Variants in BTN3A1 observed in about 807,000 individuals in gnomAD.
BTN3A1 encodes dJ45P21.3 (butyrophilin, subfamily 3, member A1).
BTN3A1 carries 24 observed loss-of-function variants against 43.0 expected under a neutral mutation model. The ratio of observed to expected loss-of-function variants is 0.56; its 90% confidence interval spans 0.40 to 0.78. The LOEUF (loss-of-function observed/expected upper bound fraction) is 0.78. Ranked by LOEUF, BTN3A1 falls within the 30% of genes least tolerant of loss-of-function variation. The pLI is 0.00. For missense variants in BTN3A1, 533 were observed against 626.2 expected (o/e 0.85, Z 1.59); for synonymous variants, 181 against 234.7 (o/e 0.77, Z 2.09).
chr6:26,405,685 A>C (rs764935664), intron 2 of BTN3A1, 37 bp downstream of exon 2: 1 of 1,609,634 alleles, frequency 6.2e-7, no homozygotes, highest in South Asian at 1.1e-5. Flanking sequence ...TGAAGCAGAC[A>C]ATTACCTAAT....
chr6:26,405,761 C>A lies in BTN3A1; in HGVS notation c.85+113C>A. ...GTCCATCCCGATCTGAAGGTTCACC[C>A]GTCACTAAGAGACAAATGGTGCTTC... On this transcript the variant is annotated intron_variant, in intron 2 of 9. Transcript: ENST00000289361. The A allele has an allele frequency of 1.9e-6, 3 of 1,577,044 alleles. No individual in the cohort carries two copies. In the East Asian group the frequency reaches 6.8e-5, roughly 35 times the overall value.
Position 26,413,478 on chromosome 6 carries a change from C to A in BTN3A1, c.1328C>A (p.Thr443Asn). The stretch of plus-strand genomic sequence containing the variant: ...CTGACTGATGGGAATAAGTATCGGA[C>A]TCTAACTGAGCCCAGAACCAACCTG... ...MGLTDGNKYR[T>N]LTEPRTNLKL... The change falls in exon 10 of 10, where the codon ACT (threonine) becomes AAT (asparagine). Residue 443 changes from threonine (T) to asparagine (N), a missense_variant. By Grantham distance (65) the Thr-to-Asn change is moderately conservative. Coordinates refer to ENST00000289361, the MANE Select transcript of BTN3A1 (RefSeq NM_007048.6). 6.2e-7 allele frequency: 1 copy of A among 1,614,098 alleles called. No homozygotes were observed. Among genetic ancestry groups the A allele is most frequent in the African/African-American group, 1.3e-5 (1 of 74,996 alleles).
intron 4 of BTN3A1, 50 bp from the exon 5 acceptor site, chr6:26,409,483 G>C: frequency 1.3e-6 from 2 of 1,572,296 alleles, no homozygotes; most frequent in Non-Finnish European, 1.7e-6. Context: ...CTGCAGTCTG[G>C]GGAGGCTGAG....
chr6:26,410,351 T>C (rs1049567309), intron 7 of BTN3A1, among the ~76,000 whole-genome samples: 2 of 152,114 alleles, frequency 1.3e-5, no homozygotes, highest in African/African-American at 4.8e-5. Context: ...CCACAGACTC[T>C]ATAGCCCTGC....
intron 8 of BTN3A1, 107 bp from the exon 9 acceptor site, chr6:26,411,448 A>G: frequency 7.2e-7 from 1 of 1,392,318 alleles, no homozygotes. Context: ...TGGACCCTGG[A>G]AGAGACTCTG....
At position 26,413,797 on chromosome 6, in the gene BTN3A1, G is replaced by T; in HGVS notation, c.*105G>T. ...CGAAAGTGGGGAGCCTCAGGCTGAA[G>T]TAACTTTTCTCTGCTTCTCCCTGCC... On this transcript the variant is annotated 3_prime_UTR_variant, in exon 10 of 10. Coordinates refer to ENST00000289361, the MANE Select transcript of BTN3A1 (RefSeq NM_007048.6). 6.3e-7 allele frequency: 1 copy of T among 1,598,482 alleles called. No individual in the cohort carries two copies. Among genetic ancestry groups the T allele is most frequent in the Non-Finnish European group, 8.5e-7 (1 of 1,178,272 alleles).
chr6:26,412,971 C>G, intron 9 of BTN3A1, 198 bp from the exon 10 acceptor site: 2 of 1,458,558 alleles, frequency 1.4e-6, no homozygotes. Context: ...TCACCCTCCT[C>G]TTCCCCTCTG....
Position 26,405,952 on chromosome 6 carries a change from G to T in BTN3A1, c.129G>T (p.Met43Ile). The change falls in exon 3 of 10, where the codon ATG becomes ATT. Residue 43 changes from methionine to isoleucine, a missense_variant. Met to Ile is a conservative substitution (Grantham distance 10). Transcript: ENST00000289361. ...VLGPSGPILAMVGEDADLPCH... is the reference protein window; with the variant it reads ...VLGPSGPILAIVGEDADLPCH... ...GACCCTCTGGGCCCATCCTGGCCATGGTGGGTGAAGACGCTGATCTGCCCT... is the reference window on the plus strand; with the variant it reads ...GACCCTCTGGGCCCATCCTGGCCATTGTGGGTGAAGACGCTGATCTGCCCT... The T allele has an allele frequency of 6.2e-7, 1 of 1,612,148 alleles. No individual in the cohort carries two copies.
chr6:26,405,004 G>T (rs896079380), intron 1 of BTN3A1, among the ~76,000 whole-genome samples: 17 of 152,216 alleles, frequency 1.1e-4, no homozygotes, highest in African/African-American at 4.1e-4. Flanking sequence ...GGTCTTATTT[G>T]CAGCTCTGTG....
intron 4 of BTN3A1, 138 bp downstream of exon 4, chr6:26,408,090 T>G: frequency 7.4e-7 from 1 of 1,353,360 alleles, no homozygotes. Context: ...GGCTCCTCCT[T>G]GCACCGGGGG....
chr6:26,407,316 A>C (rs1415401278), intron 3 of BTN3A1, among the ~76,000 whole-genome samples: 1 of 152,186 alleles, frequency 6.6e-6, no homozygotes, highest in Non-Finnish European at 1.5e-5. Flanking sequence ...CTGGGTGCTT[A>C]GTCCCTGGCT....
rs1421504006 is a variant in BTN3A1, at chr6:26,414,619, C to A, written c.*927C>A. ...CCTTCCTTCAATCAAGGTTTCCAGG[C>A]AGAGCAAATACCCTAGAGATTCTCT... On this transcript the variant is annotated 3_prime_UTR_variant, in exon 10 of 10. Transcript: ENST00000289361. The A allele has an allele frequency of 6.6e-6, 1 of 151,910 alleles. No individual in the cohort carries two copies. The highest frequency in any genetic ancestry group is 2.4e-5 in the African/African-American group (1 of 41,326). 9.4% of individuals were successfully genotyped at this position (151,910 alleles called of 1,614,324 possible).
At chr6:26,407,551 G>C in intron 3 of BTN3A1, 120 bp from the exon 4 acceptor site, 1 of 1,283,238 alleles carries the variant, frequency 7.8e-7, no homozygotes, top group Non-Finnish European at 1.1e-6. Context: ...CCACACTTTT[G>C]TAAGCAGCTC....
rs531878108 is a variant in BTN3A1, at chr6:26,409,808, C to T, written c.916+75C>T. 6.8e-6 allele frequency: 11 copies of T among 1,609,834 alleles called. No individual in the cohort carries two copies. In the South Asian group the frequency reaches 7.7e-5, roughly 11 times the overall value. On this transcript the variant is annotated intron_variant, in intron 5 of 9. Coordinates refer to ENST00000289361, the MANE Select transcript of BTN3A1 (RefSeq NM_007048.6). ...CCAAAGACCTCACGCCCATCCCCAC[C>T]GCAGAGCTCAGTTGCTTTTAAGGTT...
intron 7 of BTN3A1, among the ~76,000 whole-genome samples, chr6:26,410,727 A>T (rs192892037): frequency 1.3e-3 from 202 of 150,906 alleles, no homozygotes; most frequent in African/African-American, 4.1e-3. Context: ...ACATTTAAAT[A>T]TATATATACA....
chr6:26,405,674 C>T, intron 2 of BTN3A1, 26 bp downstream of exon 2: 1 of 1,612,450 alleles, frequency 6.2e-7, no homozygotes, highest in Non-Finnish European at 8.5e-7. Flanking sequence ...ACGCTTGTTT[C>T]TGAAGCAGAC....
intron 5 of BTN3A1, 78 bp downstream of exon 5, chr6:26,409,811 A>T (rs867963190): frequency 6.2e-7 from 1 of 1,611,004 alleles, no homozygotes; most frequent in Middle Eastern, 1.7e-4. Flanking sequence ...TCCCCACCGC[A>T]GAGCTCAGTT....
rs773981663 is a variant in BTN3A1 at position 26,411,150 on chromosome 6, T to G, written c.991+15T>G. On this transcript the variant is annotated intron_variant, in intron 8 of 9. Coordinates refer to ENST00000289361, the MANE Select transcript of BTN3A1 (RefSeq NM_007048.6). ...AGCCTATAATGGTGAGTGAACCTGA[T>G]GCTCTCTGAGTTTGCTGGGACACGT... The G allele has an allele frequency of 7.5e-6, 12 of 1,608,608 alleles. No individual in the cohort carries two copies. The highest frequency in any genetic ancestry group is 5.5e-5 in the South Asian group (5 of 90,174).
At chr6:26,412,520 G>C in intron 9 of BTN3A1, 1 of 1,550,138 alleles carries the variant, frequency 6.5e-7, no homozygotes, top group Non-Finnish European at 8.7e-7. Flanking sequence ...GAAGAGGGTG[G>C]AGAAAGCTGA....
Sources: gnomAD v4.1 joint callset for allele counts (sites outside exome capture counted in the v4.1 genomes callset) on GRCh38, gnomAD v4.1.1 for gene constraint, MANE v1.5 for transcripts, NCBI Gene and HGNC (gene_info 2026-07-23, HGNC 2026-07-21) for gene names.